NPAS1: variants seen among roughly 807,000 people sequenced by gnomAD.
NPAS1 encodes neuronal PAS domain-containing protein 1.
Under a neutral mutation model 49.2 loss-of-function variants are expected in NPAS1, and 29 were observed. The ratio of observed to expected loss-of-function variants is 0.59; its 90% CI spans 0.44 to 0.80. NPAS1 has a LOEUF of 0.80. Ranked by LOEUF, NPAS1 falls within the 30% of genes least tolerant of loss-of-function variation. NPAS1 has a pLI of 0.00. For missense variants in NPAS1, 825 were observed against 835.5 expected, an observed-to-expected ratio of 0.99 and a Z score of 0.15; for synonymous variants, 408 against 380.4, an observed-to-expected ratio of 1.07 and a Z score of -0.84.
intron 3 of NPAS1, among the ~76,000 whole-genome samples, chr19:47,025,393 T>C (rs12976562): frequency 0.87 from 114,507 of 131,604 alleles, 52,751 homozygotes; most frequent in Non-Finnish European, 0.92. Flanking sequence ...ATTCTCCTGC[T>C]TCAGCCTCCC....
chr19:47,043,433 C>CA (rs1331350413), intron 11 of NPAS1, among the ~76,000 whole-genome samples: 1 of 151,288 alleles, frequency 6.6e-6, no homozygotes, highest in African/African-American at 2.4e-5. Context: ...ACTAAAAATA[C>CA]AAAAAAATTA....
chr19:47,035,979 A>T lies in NPAS1; in HGVS notation c.538A>T (p.Ser180Cys). 6.5e-7 allele frequency: 1 copy of T among 1,529,568 alleles called. No individual in the cohort carries two copies. The highest frequency in any genetic ancestry group is 8.8e-7 in the Non-Finnish European group (1 of 1,140,110). The allele number at this position is 1,529,568 out of a possible 1,614,324, so 94.7% of individuals were successfully genotyped here. A position where few individuals can be genotyped will look rare whatever the true frequency, so the allele number is the denominator to read the frequency against. ...LGLSQVEMTG[S>C]SVFDYIHPGD... ...TCGCCGGCAGGTGGAGATGACGGGC[A>T]GCAGCGTCTTCGACTACATTCACCC... The change falls in exon 6 of 12, where the codon AGC becomes TGC. Residue 180 changes from serine to cysteine, a missense_variant. Ser to Cys is a moderately radical substitution (Grantham distance 112). Coordinates refer to ENST00000602212, the MANE Select transcript of NPAS1 (RefSeq NM_002517.4).
Position 47,021,721 on chromosome 19 carries a change from A to G in NPAS1, c.232A>G (p.Ile78Val). Residue 78 changes from isoleucine to valine, a missense_variant, in exon 3 of 12, where the codon ATC (isoleucine) becomes GTC (valine). Transcript: ENST00000602212. This position sits in a 1 kb window ranked among gnomAD's most constrained non-coding sequence, Gnocchi z 5.7. ...LAKLLPLPGA[I>V]SSQLDKASIV... ...CAAGCTTCTCCCGCTGCCCGGCGCC[A>G]TCTCCAGCCAGCTGGACAAGGCTTC... 1 of 1,551,616 alleles carries G rather than the reference A, an allele frequency of 6.4e-7. No individual in the cohort carries two copies. The highest frequency in any genetic ancestry group is 2.4e-5 in the East Asian group (1 of 40,856).
In NPAS1 at chr19:47,045,747, G is replaced by C; in HGVS notation, c.*96G>C. 1.7e-6 allele frequency: 2 copies of C among 1,145,952 alleles called. No homozygotes were observed. The highest frequency in any genetic ancestry group is 2.3e-6 in the Non-Finnish European group (2 of 855,502). The allele number at this position is 1,145,952 out of a possible 1,614,324, so 71.0% of individuals were successfully genotyped here. A position where few individuals can be genotyped will look rare whatever the true frequency, so the allele number is the denominator to read the frequency against. ...CCCGTAGCCCTGAGAATTAAACGCC[G>C]GCTCTCCCTGCAGTGGTTTGGGCTC... On this transcript the variant is annotated 3_prime_UTR_variant, in exon 12 of 12. Transcript: ENST00000602212.
intron 3 of NPAS1, among the ~76,000 whole-genome samples, chr19:47,027,390 G>C (rs1268706976): frequency 3.7e-5 from 4 of 106,916 alleles, no homozygotes; most frequent in Non-Finnish European, 5.5e-5. Context: ...CTCTGCACCC[G>C]GTTTCCCCCT....
At chr19:47,035,156 G>A (rs1215574626) in intron 5 of NPAS1, among the ~76,000 whole-genome samples, 1 of 149,204 alleles carries the variant, frequency 6.7e-6, no homozygotes, top group Non-Finnish European at 1.5e-5. Flanking sequence ...ACTCCAGCCT[G>A]GGCAACAAGA....
chr19:47,036,878 C>CA (rs1158532982), intron 6 of NPAS1, among the ~76,000 whole-genome samples: 7 of 150,208 alleles, frequency 4.7e-5, no homozygotes, highest in South Asian at 2.1e-4. Flanking sequence ...AGACTGTCTC[C>CA]AAAAAAAACA....
rs1568512635 is a variant in NPAS1, at chr19:47,045,045, ACAAAAACAAAACAAACAAAC to A, written c.1313-145_1313-126del. On this transcript the variant is annotated intron_variant, in intron 11 of 11. Coordinates refer to ENST00000602212, the MANE Select transcript of NPAS1 (RefSeq NM_002517.4). ...ACTCCGTCTCACAAAAAAACAAAAA[ACAAAAACAAAACAAACAAAC>A]AAAAAAAAAAACCCCACTCCCAGCT... 1,404 of 844,706 alleles carry A rather than the reference ACAAAAACAAAACAAACAAAC, an allele frequency of 1.7e-3. 36 individuals are homozygous for A. In the African/African-American group the frequency reaches 0.023, roughly 14 times the overall value. The allele number at this position is 844,706 out of a possible 1,614,324, so 52.3% of individuals were successfully genotyped here.
At chr19:47,029,526 A>T (rs1025701841) in intron 3 of NPAS1, among the ~76,000 whole-genome samples, 1 of 151,856 alleles carries the variant, frequency 6.6e-6, no homozygotes, top group Non-Finnish European at 1.5e-5. Context: ...CAGCCTCCCG[A>T]ATAGCTGGGA....
chr19:47,036,170 A>G (rs2056953683), intron 6 of NPAS1, 41 bp downstream of exon 6: 1 of 1,539,790 alleles, frequency 6.5e-7, no homozygotes, highest in African/African-American at 1.4e-5. Context: ...CTGAGGGTAG[A>G]TCGGGGGACG....
chr19:47,043,299 T>G (rs1344622156), intron 11 of NPAS1, among the ~76,000 whole-genome samples: 1 of 46,018 alleles, frequency 2.2e-5, no homozygotes, highest in Non-Finnish European at 4.6e-5. Context: ...AAAAAAAAAT[T>G]TAAATCCAGG....
At chr19:47,023,269 G>A (rs933833582) in intron 3 of NPAS1, among the ~76,000 whole-genome samples, 1 of 152,144 alleles carries the variant, frequency 6.6e-6, no homozygotes, top group South Asian at 2.1e-4. Context: ...GAGCTGAAGG[G>A]GGGGAAAGGG....
chr19:47,023,165 G>A (rs2056852116), intron 3 of NPAS1, among the ~76,000 whole-genome samples: 1 of 152,238 alleles, frequency 6.6e-6, no homozygotes, highest in Non-Finnish European at 1.5e-5. Context: ...ATTGACTGGC[G>A]CGGAGAGAAT....
chr19:47,043,278 CAAA>C (rs1170715547), intron 11 of NPAS1, among the ~76,000 whole-genome samples: 3,782 of 58,608 alleles, frequency 0.065, 264 homozygotes, highest in African/African-American at 0.25. Context: ...GACTCTGTCT[CAAA>C]AAAAAAAAAA....
At chr19:47,027,124 C>T (rs1394063316) in intron 3 of NPAS1, among the ~76,000 whole-genome samples, 1 of 152,204 alleles carries the variant, frequency 6.6e-6, no homozygotes, top group African/African-American at 2.4e-5. Flanking sequence ...TGCTTGCCCC[C>T]ATGCAGCCCT....
At chr19:47,025,779 T>C (rs1192574258) in intron 3 of NPAS1, among the ~76,000 whole-genome samples, 1 of 151,996 alleles carries the variant, frequency 6.6e-6, no homozygotes, top group Non-Finnish European at 1.5e-5. Context: ...CTCACCATGT[T>C]GCCCAGGCTG....
At chr19:47,023,579 T>A (rs995694278) in intron 3 of NPAS1, among the ~76,000 whole-genome samples, 2 of 152,076 alleles carry the variant, frequency 1.3e-5, no homozygotes, top group African/African-American at 4.8e-5. Context: ...GAGGAGGAGC[T>A]GAGGACAGCA....
Position 47,032,700 on chromosome 19 carries a change from G to A in NPAS1, c.490G>A (p.Glu164Lys), listed in dbSNP as rs1285241593. ...GGAAGGAAAATTCCTCTACATCTCAGAGACAGTCTCCATCTATCTGGGTCT... is the reference window on the plus strand; with the variant it reads ...GGAAGGAAAATTCCTCTACATCTCAAAGACAGTCTCCATCTATCTGGGTCT... ...NQEGKFLYIS[E>K]TVSIYLGLSQ... The change falls in exon 5 of 12, where the codon GAG (glutamate) becomes AAG (lysine). Residue 164 changes from glutamate (E) to lysine (K), a missense_variant. By Grantham distance (56) the Glu-to-Lys change is moderately conservative. Transcript: ENST00000602212. 1 of 1,614,002 alleles carries A rather than the reference G, an allele frequency of 6.2e-7. No homozygotes were observed. The highest frequency in any genetic ancestry group is 8.5e-7 in the Non-Finnish European group (1 of 1,179,998).
At position 47,032,579 on chromosome 19, in the gene NPAS1, T is replaced by C. The variant is rs1170486868; in HGVS notation, c.433-64T>C. 2.0e-6 allele frequency: 3 copies of C among 1,468,344 alleles called. No individual in the cohort carries two copies. In the African/African-American group the frequency reaches 4.2e-5, roughly 20 times the overall value. 91.0% of individuals were successfully genotyped at this position (1,468,344 alleles called of 1,614,324 possible). On this transcript the variant is annotated intron_variant, in intron 4 of 11. Transcript: ENST00000602212. Reference sequence around the variant, plus strand: ...CCCAGGTTTCAGAACCTCTTACCACTTGGCGGCTGGACAGAGGGACACCGG... The same window carrying C: ...CCCAGGTTTCAGAACCTCTTACCACCTGGCGGCTGGACAGAGGGACACCGG...
Sources: gnomAD v4.1 joint callset for allele counts (sites outside exome capture counted in the v4.1 genomes callset) on GRCh38, gnomAD v4.1.1 for gene constraint, Gnocchi (gnomAD v3.1) non-coding constraint, MANE v1.5 for transcripts, NCBI Gene and HGNC (gene_info 2026-07-23, HGNC 2026-07-21) for gene names.